The following CD163 variants were observed in gnomAD, a reference collection of about 807,000 sequenced individuals.
CD163 encodes the protein CD163 molecule.
A neutral mutation model predicts 129.2 loss-of-function variants in CD163; 64 were observed. The observed-to-expected ratio is 0.50, with a 90% confidence interval of 0.41 to 0.61. The LOEUF is 0.61. CD163 is among the 20% of genes least tolerant of loss of function. The pLI is 0.00. For missense variants in CD163, 1,061 were observed against 1,377.9 expected (o/e 0.77, Z 3.64); for synonymous variants, 446 against 478.5 (o/e 0.93, Z 0.89).
In CD163 at chr12:7,500,421, C is replaced by CCAAAA. The variant is rs1555079812; in HGVS notation, c.457+717_457+718insTTTTG. 1.2e-3 allele frequency among the ~76,000 whole-genome samples: 79 copies of CCAAAA among 64,128 alleles called. 1 individual carries two copies. Among genetic ancestry groups the CCAAAA allele is most frequent in the Non-Finnish European group, 1.8e-3 (59 of 32,566 alleles). 42.1% of individuals were successfully genotyped at this position (64,128 alleles called of 152,430 possible). ...GGGGGACAAGAGCGACAATTCGTCC[C>CCAAAA]AAAAAAAAAAAAAAAAAAAAGGAAT... On this transcript the variant is annotated intron_variant, in intron 3 of 16. Coordinates refer to ENST00000432237, the MANE Select transcript of CD163 (RefSeq NM_203416.4).
At chr12:7,491,035 G>A (rs2034974553) in intron 6 of CD163, among the ~76,000 whole-genome samples, 1 of 151,758 alleles carries the variant, frequency 6.6e-6, no homozygotes, top group Admixed American at 6.6e-5. Context: ...TTTAAGTAAA[G>A]GCAGTCTCCT....
At chr12:7,491,887 C>T (rs1373684452) in intron 6 of CD163, among the ~76,000 whole-genome samples, 1 of 152,080 alleles carries the variant, frequency 6.6e-6, no homozygotes, top group African/African-American at 2.4e-5. Flanking sequence ...ATTTCCTAGA[C>T]CTTTTTCTGT....
At chr12:7,486,172 A>T (rs1197491776) in intron 10 of CD163, among the ~76,000 whole-genome samples, 1 of 152,142 alleles carries the variant, frequency 6.6e-6, no homozygotes, top group African/African-American at 2.4e-5. Flanking sequence ...CTACTTCTTT[A>T]CTAATACTGT....
In CD163 at chr12:7,474,805, T is replaced by C. The variant is rs191255683; in HGVS notation, c.*32-3408A>G. ...CCCAGGAGCTGGTTTTTTGAAAAGATAAACAGAATCGACAGACCACTAGCC... is the reference window on the plus strand; with the variant it reads ...CCCAGGAGCTGGTTTTTTGAAAAGACAAACAGAATCGACAGACCACTAGCC... On this transcript the variant is annotated intron_variant, in intron 16 of 16. Coordinates refer to ENST00000432237, the MANE Select transcript of CD163 (RefSeq NM_203416.4). Among the ~76,000 whole-genome samples, 1,077 of 152,116 alleles carry C rather than the reference T, an allele frequency of 7.1e-3. 3 individuals are homozygous for C. Among genetic ancestry groups the C allele is most frequent in the Non-Finnish European group, 9.9e-3 (675 of 67,988 alleles).
rs752460788 is a variant in CD163 at position 7,481,182 on chromosome 12, G to A, written c.3322C>T (p.Leu1108=). Residue 1108 remains leucine (L), a synonymous_variant, in exon 15 of 17, where the codon CTG becomes TTG. Coordinates refer to ENST00000432237, the MANE Select transcript of CD163 (RefSeq NM_203416.4). Reference sequence around the variant, plus strand: ...AGACCTGAGGAATTCATTAGGTCCAGATCATCTGCATTCAGGCAAGAATTC... The same window carrying A: ...AGACCTGAGGAATTCATTAGGTCCAAATCATCTGCATTCAGGCAAGAATTC... ...EMNSCLNADD[L]DLMNSSGGHS... 1 of 1,613,810 alleles carries A rather than the reference G, an allele frequency of 6.2e-7. No homozygotes were observed. Among genetic ancestry groups the A allele is most frequent in the Non-Finnish European group, 8.5e-7 (1 of 1,179,772 alleles).
intron 15 of CD163, 114 bp downstream of exon 15, chr12:7,481,047 T>C: frequency 6.8e-7 from 1 of 1,468,382 alleles, no homozygotes; most frequent in Non-Finnish European, 9.0e-7. Context: ...GCATCTAAGC[T>C]TCCTATTACA....
intron 12 of CD163, 180 bp downstream of exon 12, chr12:7,483,187 G>T: frequency 1.3e-6 from 1 of 791,746 alleles, no homozygotes; most frequent in Non-Finnish European, 2.0e-6. Context: ...GTGTCTCCTT[G>T]GTGAAGGCCG....
Position 7,487,245 on chromosome 12 carries a change from G to T in CD163, c.2050+114C>A. 1 of 1,148,248 alleles carries T rather than the reference G, an allele frequency of 8.7e-7. No homozygotes were observed. Among genetic ancestry groups the T allele is most frequent in the Non-Finnish European group, 1.2e-6 (1 of 828,226 alleles). 71.1% of individuals were successfully genotyped at this position (1,148,248 alleles called of 1,614,324 possible). A position where few individuals can be genotyped will look rare whatever the true frequency, so the allele number is the denominator to read the frequency against. On this transcript the variant is annotated intron_variant, in intron 8 of 16. Transcript: ENST00000432237. The surrounding 1 kb of genome is among the most constrained non-coding windows in gnomAD (Gnocchi z 5.1). ...GGTTAATATTCTGAAGCATGAATTA[G>T]TATTCATTCTTCTCATGACCCTTCA... is the stretch of plus-strand genomic sequence containing the variant.
chr12:7,481,670 G>A (rs1017043798), intron 14 of CD163, among the ~76,000 whole-genome samples: 9 of 151,870 alleles, frequency 5.9e-5, no homozygotes, highest in East Asian at 1.9e-4. Context: ...CCTAGATCCC[G>A]TTGCCAAAAG....
chr12:7,493,695 C>A (rs968263689), intron 6 of CD163, among the ~76,000 whole-genome samples: 1 of 151,580 alleles, frequency 6.6e-6, no homozygotes, highest in Non-Finnish European at 1.5e-5. Flanking sequence ...AGAAATAAAA[C>A]TTAAGATTCA....
rs181079217 is a variant in CD163 at position 7,475,282 on chromosome 12, C to T, written c.*32-3885G>A. On this transcript the variant is annotated intron_variant, in intron 16 of 16. Coordinates refer to ENST00000432237, the MANE Select transcript of CD163 (RefSeq NM_203416.4). Reference sequence around the variant, plus strand: ...ACACCAAAACCTGGCAGAGACACAACAAAGAAAAGAAAATTCCAGGCCAAT... The same window carrying T: ...ACACCAAAACCTGGCAGAGACACAATAAAGAAAAGAAAATTCCAGGCCAAT... Among the ~76,000 whole-genome samples, 3 of 152,034 alleles carry T rather than the reference C, an allele frequency of 2.0e-5. No homozygotes were observed. The East Asian group carries it at 5.8e-4, about 29-fold the overall frequency.
intron 16 of CD163, among the ~76,000 whole-genome samples, chr12:7,474,059 G>GGA (rs1392398284): frequency 6.6e-6 from 1 of 152,072 alleles, no homozygotes; most frequent in East Asian, 1.9e-4. Context: ...ACCCAATACA[G>GGA]GAGCACCCAG....
intron 16 of CD163, among the ~76,000 whole-genome samples, chr12:7,476,207 C>T (rs1237177905): frequency 1.3e-5 from 2 of 152,032 alleles, no homozygotes; most frequent in Non-Finnish European, 2.9e-5. Flanking sequence ...AAGCTACCAT[C>T]GACTTTCTTT....
At chr12:7,498,670 T>A (rs1949435965) in intron 4 of CD163, among the ~76,000 whole-genome samples, 198 bp downstream of exon 4, 2 of 152,292 alleles carry the variant, frequency 1.3e-5, no homozygotes, top group South Asian at 4.1e-4. Context: ...CACTATGCAC[T>A]TCCCTAACCT....
In CD163 at chr12:7,499,132, T is replaced by C. The variant is rs769673376; in HGVS notation, c.514A>G (p.Ile172Val). Residue 172 changes from isoleucine (I) to valine (V), a missense_variant, in exon 4 of 17, where the codon ATA becomes GTA. Physicochemically the swap from Ile to Val is conservative, Grantham distance 29. Transcript: ENST00000432237. ...CACCGTCCTTGGAATTTGATCTCTATTCTTCCAGAACACATATTCCCTCCA... is the reference window on the plus strand; with the variant it reads ...CACCGTCCTTGGAATTTGATCTCTACTCTTCCAGAACACATATTCCCTCCA... Reference protein sequence around the residue: ...TRGGNMCSGRIEIKFQGRWGT... With the variant: ...TRGGNMCSGRVEIKFQGRWGT... The C allele has an allele frequency of 2.1e-5, 34 of 1,613,910 alleles. No individual in the cohort carries two copies. Among genetic ancestry groups the C allele is most frequent in the Non-Finnish European group, 2.9e-5 (34 of 1,180,018 alleles).
chr12:7,483,382 C>A lies in CD163; in HGVS notation c.3073G>T (p.Ala1025Ser), dbSNP rs1319941184. The stretch of plus-strand genomic sequence containing the variant: ...TGGCACTTACCTGTGCAATTCACTG[C>A]AGCGTCTTCCTTGTGCCCACACTCA... ...HSECGHKEDA[A>S]VNCTDISVQK... The change falls in exon 12 of 17, where the codon GCA becomes TCA. Residue 1025 changes from alanine (A) to serine (S), a missense_variant. By Grantham distance (99) the Ala-to-Ser change is moderately conservative. Transcript: ENST00000432237. 2 of 1,612,858 alleles carry A rather than the reference C, an allele frequency of 1.2e-6. No individual in the cohort carries two copies. Among genetic ancestry groups the A allele is most frequent in the Non-Finnish European group, 1.7e-6 (2 of 1,179,548 alleles).
chr12:7,482,014 T>C (rs1431062542), intron 14 of CD163, among the ~76,000 whole-genome samples: 1 of 152,190 alleles, frequency 6.6e-6, no homozygotes, highest in Admixed American at 6.5e-5. Flanking sequence ...CTCCCTTCTC[T>C]GTGCCACTTT....
At position 7,487,128 on chromosome 12, in the gene CD163, G is replaced by T. The variant is rs1198675567; in HGVS notation, c.2051-142C>A. 6.1e-6 allele frequency: 5 copies of T among 814,998 alleles called. No homozygotes were observed. The highest frequency in any genetic ancestry group is 7.7e-6 in the Non-Finnish European group (4 of 518,816). 50.5% of individuals were successfully genotyped at this position (814,998 alleles called of 1,614,324 possible). A position where few individuals can be genotyped will look rare whatever the true frequency, so the allele number is the denominator to read the frequency against. ...GGTCAACAAGTTTGAAATAAATCAG[G>T]TGCTTTGAGATGGGCTTGGCACATA... On this transcript the variant is annotated intron_variant, in intron 8 of 16. Transcript: ENST00000432237. This position sits in a 1 kb window ranked among gnomAD's most constrained non-coding sequence, Gnocchi z 5.1.
chr12:7,497,295 G>A (rs1452056286), intron 4 of CD163, among the ~76,000 whole-genome samples, 162 bp from the exon 5 acceptor site: 1 of 148,992 alleles, frequency 6.7e-6, no homozygotes, highest in Non-Finnish European at 1.5e-5. Flanking sequence ...AAGATGGAAG[G>A]AGGAGTGGAT....
Sources: gnomAD v4.1 joint callset for allele counts (sites outside exome capture counted in the v4.1 genomes callset) on GRCh38, gnomAD v4.1.1 for gene constraint, Gnocchi (gnomAD v3.1) non-coding constraint, MANE v1.5 for transcripts, NCBI Gene and HGNC (gene_info 2026-07-23, HGNC 2026-07-21) for gene names.